The following MKLN1 variants were observed in gnomAD, a reference collection of about 807,000 sequenced individuals.
MKLN1 encodes the protein muskelin.
Under a neutral mutation model 99.0 loss-of-function variants are expected in MKLN1, and 18 were observed. The observed-to-expected ratio is 0.18, with a 90% confidence interval of 0.13 to 0.27. The LOEUF (loss-of-function observed/expected upper bound fraction) is 0.27. Among genes scored for constraint, MKLN1 ranks in the 10% least tolerant of loss-of-function variants. The pLI is 1.00. For missense variants in MKLN1, 621 were observed against 875.9 expected, an observed-to-expected ratio of 0.71 and a Z score of 3.67; for synonymous variants, 288 against 293.2, an observed-to-expected ratio of 0.98 and a Z score of 0.18.
intron 7 of MKLN1, among the ~76,000 whole-genome samples, chr7:131,412,879 G>A (rs567033551): frequency 2.0e-5 from 3 of 152,146 alleles, no homozygotes; most frequent in Non-Finnish European, 4.4e-5. Flanking sequence ...ATATTAATAT[G>A]CAGGGGAAAA....
chr7:131,377,160 T>C (rs539552073), intron 2 of MKLN1, among the ~76,000 whole-genome samples: 1 of 152,292 alleles, frequency 6.6e-6, no homozygotes, highest in African/African-American at 2.4e-5. Context: ...CTGGTACACA[T>C]GTGTAAGAGT....
At chr7:131,154,788 T>A (rs1795940532) in intron 2 of MKLN1, among the ~76,000 whole-genome samples, 1 of 152,194 alleles carries the variant, frequency 6.6e-6, no homozygotes, top group South Asian at 2.1e-4. Context: ...ATATAATAAG[T>A]GTGGCAAAGC....
intron 2 of MKLN1, among the ~76,000 whole-genome samples, chr7:131,161,078 T>A (rs1333889645): frequency 6.6e-6 from 1 of 152,044 alleles, no homozygotes; most frequent in East Asian, 1.9e-4. Flanking sequence ...CTCCATACAA[T>A]AGATGGGGAG....
chr7:131,223,996 C>T (rs1797099271), intron 3 of MKLN1, among the ~76,000 whole-genome samples: 2 of 152,110 alleles, frequency 1.3e-5, no homozygotes, highest in South Asian at 4.1e-4. Context: ...GAACTCCTGA[C>T]CTCGTGATCT....
intron 10 of MKLN1, among the ~76,000 whole-genome samples, chr7:131,440,013 T>G (rs1795792815): frequency 6.6e-6 from 1 of 152,040 alleles, no homozygotes; most frequent in Admixed American, 6.6e-5. Context: ...ACTCAGAACT[T>G]TTGTTGAAGC....
intron 12 of MKLN1, among the ~76,000 whole-genome samples, 174 bp from the exon 13 acceptor site, chr7:131,463,043 G>T (rs1291933706): frequency 6.6e-6 from 1 of 152,026 alleles, no homozygotes; most frequent in Non-Finnish European, 1.5e-5. Flanking sequence ...GATCCTTTGA[G>T]CCCAGGAGTT....
At position 131,493,303 on chromosome 7, in the gene MKLN1, T is replaced by C. The variant is rs1455762643; in HGVS notation, c.*5575T>C. 6.6e-6 allele frequency: 1 copy of C among 152,212 alleles called. No homozygotes were observed. The highest frequency in any genetic ancestry group is 2.4e-5 in the African/African-American group (1 of 41,462). The allele number at this position is 152,212 out of a possible 1,614,324, so 9.4% of individuals were successfully genotyped here. On this transcript the variant is annotated 3_prime_UTR_variant, in exon 18 of 18. Transcript: ENST00000352689. Reference sequence around the variant, plus strand: ...TATCTAAGGCATTTTGACTTGGAAGTATTAAACTTCAGGAACGAGCTAGAG... The same window carrying C: ...TATCTAAGGCATTTTGACTTGGAAGCATTAAACTTCAGGAACGAGCTAGAG...
chr7:131,214,747 T>C (rs138760843), intron 3 of MKLN1, among the ~76,000 whole-genome samples: 46 of 152,356 alleles, frequency 3.0e-4, no homozygotes, highest in African/African-American at 1.0e-3. Context: ...CCATGTTCCA[T>C]AATCAGGTTG....
rs144284187 is a variant in MKLN1, at chr7:131,126,435, G to A, written c.-419+16228G>A. Reference sequence around the variant, plus strand: ...AACTATAGCATGTCCTAGATTCTAAGGTACAGATATCCCCCCATGTTTTTA... The same window carrying A: ...AACTATAGCATGTCCTAGATTCTAAAGTACAGATATCCCCCCATGTTTTTA... On this transcript the variant is annotated intron_variant, in intron 1 of 7. Coordinates refer to the MKLN1 transcript ENST00000416992. Among the ~76,000 whole-genome samples the A allele has an allele frequency of 5.5e-3, 832 of 152,254 alleles. 2 individuals are homozygous for A. Among genetic ancestry groups the A allele is most frequent in the African/African-American group, 0.014 (574 of 41,544 alleles).
At chr7:131,125,790 GTCAGGAGA>G in intron 1 of MKLN1, among the ~76,000 whole-genome samples, 1 of 151,940 alleles carries the variant, frequency 6.6e-6, no homozygotes, top group Non-Finnish European at 1.5e-5. Flanking sequence ...GAATCACGAG[GTCAGGAGA>G]TCGAGACCAT....
intron 3 of MKLN1, among the ~76,000 whole-genome samples, chr7:131,217,563 T>A (rs1291778626): frequency 6.6e-6 from 1 of 152,140 alleles, no homozygotes; most frequent in African/African-American, 2.4e-5. Flanking sequence ...CCAGGTGTGG[T>A]TGTGGGCACC....
At position 131,133,423 on chromosome 7, in the gene MKLN1, C is replaced by T. The variant is rs1181367425; in HGVS notation, c.-418-9397C>T. 1.2e-3 allele frequency among the ~76,000 whole-genome samples: 160 copies of T among 131,948 alleles called. 1 individual carries two copies. The highest frequency in any genetic ancestry group is 4.4e-3 in the African/African-American group (153 of 34,402). 86.6% of individuals were successfully genotyped at this position (131,948 alleles called of 152,430 possible). On this transcript the variant is annotated intron_variant, in intron 1 of 7. Transcript: ENST00000416992. The stretch of plus-strand genomic sequence containing the variant: ...AGGCTGGAGTGCAGTGGCGTGATCT[C>T]GGCTTACTGCAACCTCCGCTCCCAG...
At chr7:131,363,633 G>A (rs538585876) in intron 1 of MKLN1, among the ~76,000 whole-genome samples, 16 of 151,916 alleles carry the variant, frequency 1.1e-4, no homozygotes, top group African/African-American at 3.9e-4. Context: ...ACCAGCATTT[G>A]AACTTGTTTG....
chr7:131,218,414 T>C (rs1490060263), intron 3 of MKLN1, among the ~76,000 whole-genome samples: 2 of 152,170 alleles, frequency 1.3e-5, no homozygotes, highest in Admixed American at 6.6e-5. Flanking sequence ...TATATGAAAG[T>C]GGTTTTGGTC....
intron 3 of MKLN1, among the ~76,000 whole-genome samples, chr7:131,280,633 T>G (rs932596384): frequency 3.1e-5 from 4 of 129,090 alleles, no homozygotes; most frequent in African/African-American, 1.1e-4. Context: ...TTCATCCATG[T>G]TTTTTTTTTC....
rs1334082401 is a variant in MKLN1 at position 131,281,663 on chromosome 7, A to T, written c.-179+78689A>T. Among the ~76,000 whole-genome samples, 4 of 151,228 alleles carry T rather than the reference A, an allele frequency of 2.6e-5. No homozygotes were observed. In the East Asian group the frequency reaches 7.7e-4, roughly 29 times the overall value. ...AAATACAATTGATTTTTGTTTATTG[A>T]TCTTGTATCCTGCCATATTTCTTTT... On this transcript the variant is annotated intron_variant, in intron 3 of 7. Transcript: ENST00000416992.
chr7:131,364,716 G>A (rs1800127795), intron 1 of MKLN1, among the ~76,000 whole-genome samples: 1 of 152,020 alleles, frequency 6.6e-6, no homozygotes, highest in Non-Finnish European at 1.5e-5. Flanking sequence ...ACTTATAAAT[G>A]AGAACATACG....
chr7:131,133,860 G>C (rs1161440755), intron 1 of MKLN1, among the ~76,000 whole-genome samples: 1 of 54,724 alleles, frequency 1.8e-5, no homozygotes, highest in African/African-American at 7.2e-5. Flanking sequence ...ACGAAGTTTT[G>C]CTCTTGTCGC....
chr7:131,188,090 G>C (rs1038700380), intron 2 of MKLN1, among the ~76,000 whole-genome samples: 1 of 152,130 alleles, frequency 6.6e-6, no homozygotes, highest in Admixed American at 6.6e-5. Flanking sequence ...GTAAACAATA[G>C]GTTATCGAAT....
Sources: gnomAD v4.1 joint callset for allele counts (sites outside exome capture counted in the v4.1 genomes callset) on GRCh38, gnomAD v4.1.1 for gene constraint, MANE v1.5 for transcripts, NCBI Gene and HGNC (gene_info 2026-07-23, HGNC 2026-07-21) for gene names.